The following RIMS2 variants were observed in gnomAD, a reference collection of about 807,000 sequenced individuals.
RIMS2 encodes regulating synaptic membrane exocytosis protein 2.
Under a neutral mutation model 174.4 loss-of-function variants are expected in RIMS2, and 59 were observed. The ratio of observed to expected loss-of-function variants is 0.34; its 90% CI spans 0.27 to 0.42. RIMS2 has a LOEUF of 0.42. RIMS2 is among the 10% of genes least tolerant of loss of function. The pLI is 1.00. For synonymous variants in RIMS2, 606 were observed against 572.5 expected (o/e 1.06, Z -0.84); for missense variants, 1,620 against 1,666.3 (o/e 0.97, Z 0.48).
chr8:104,235,425 A>T (rs2099253132), intron 19 of RIMS2, among the ~76,000 whole-genome samples: 1 of 152,158 alleles, frequency 6.6e-6, no homozygotes, highest in African/African-American at 2.4e-5. Flanking sequence ...CAATCTTCTT[A>T]CGAAAACTAG....
chr8:103,875,614 A>G lies in RIMS2; in HGVS notation c.699-9684A>G, dbSNP rs181048011. ...AATATAATGACTTATTTTCCTTTGG[A>G]TAGATACTCTCAGTAGTGGGTTTGG... On this transcript the variant is annotated intron_variant, in intron 3 of 23. Transcript: ENST00000504942. 1.7e-3 allele frequency among the ~76,000 whole-genome samples: 259 copies of G among 152,024 alleles called. 1 individual carries two copies. The highest frequency in any genetic ancestry group is 6.0e-3 in the African/African-American group (251 of 41,504).
In RIMS2 at chr8:103,894,273, G is replaced by A. The variant is rs371523501; in HGVS notation, c.1624+8050G>A. ...TGGTGTCAAAAGTTAAAACAAAATA[G>A]CAAGATCTCTGTCCCTGCAGAATTT... is the stretch of plus-strand genomic sequence containing the variant. On this transcript the variant is annotated intron_variant, in intron 4 of 23. Transcript: ENST00000504942. Among the ~76,000 whole-genome samples the A allele has an allele frequency of 1.6e-4, 24 of 150,764 alleles. 1 individual carries two copies. The highest frequency in any genetic ancestry group is 5.3e-4 in the Admixed American group (8 of 15,230).
At chr8:104,239,933 T>C (rs2099277946) in intron 19 of RIMS2, among the ~76,000 whole-genome samples, 1 of 152,182 alleles carries the variant, frequency 6.6e-6, no homozygotes, top group Non-Finnish European at 1.5e-5. Context: ...CTTTCGGTAG[T>C]GGACAGAATC....
chr8:103,885,747 T>C (rs2099196872), exon 4 of RIMS2: 1 of 1,613,008 alleles, frequency 6.2e-7, no homozygotes, highest in Admixed American at 1.7e-5. Context: ...GATTCCAGGA[T>C]TTCTATGCTA....
At chr8:103,968,692 G>A (rs1351514113) in intron 15 of RIMS2, among the ~76,000 whole-genome samples, 1 of 151,686 alleles carries the variant, frequency 6.6e-6, no homozygotes, top group African/African-American at 2.4e-5. Context: ...ATACATAATT[G>A]AATACATTGT....
rs77702921 is a variant in RIMS2 at position 103,777,879 on chromosome 8, G to T, written c.698+11342G>T. Among the ~76,000 whole-genome samples, 1,192 of 151,932 alleles carry T rather than the reference G, an allele frequency of 7.8e-3. 18 individuals carry two copies. Among genetic ancestry groups the T allele is most frequent in the South Asian group, 0.05 (240 of 4,814 alleles). ...TGTTTCATGCTGGGTATGAAATTGG[G>T]TATAAACTGGGTACAAAATTGGGTA... On this transcript the variant is annotated intron_variant, in intron 3 of 23. Transcript: ENST00000504942.
chr8:103,782,686 T>C (rs544256808), intron 3 of RIMS2, among the ~76,000 whole-genome samples: 1 of 152,162 alleles, frequency 6.6e-6, no homozygotes, highest in Admixed American at 6.5e-5. Flanking sequence ...ACCAGTGCAA[T>C]AGGTGAAAAA....
intron 3 of RIMS2, among the ~76,000 whole-genome samples, chr8:103,848,433 G>A (rs2098979367): frequency 6.6e-6 from 1 of 151,940 alleles, no homozygotes; most frequent in African/African-American, 2.4e-5. Flanking sequence ...CATCTTCCTT[G>A]TCCCATCTGG....
At chr8:104,244,268 TC>T (rs922969976) in intron 19 of RIMS2, among the ~76,000 whole-genome samples, 5 of 152,212 alleles carry the variant, frequency 3.3e-5, no homozygotes, top group African/African-American at 1.2e-4. Flanking sequence ...AAATCTCTTT[TC>T]ACATTATTTT....
At chr8:104,038,984 C>A (rs1301939090) in intron 19 of RIMS2, among the ~76,000 whole-genome samples, 2 of 151,500 alleles carry the variant, frequency 1.3e-5, no homozygotes, top group Non-Finnish European at 3.0e-5. Context: ...GTAGTGAAAT[C>A]ATTTTCAAAA....
intron 15 of RIMS2, among the ~76,000 whole-genome samples, chr8:103,968,808 C>T (rs1287363212): frequency 6.6e-6 from 1 of 151,860 alleles, no homozygotes; most frequent in African/African-American, 2.4e-5. Flanking sequence ...AATGCTCTTT[C>T]TTTCTATATG....
intron 17 of RIMS2, among the ~76,000 whole-genome samples, chr8:104,011,463 C>A (rs2095759887): frequency 6.6e-6 from 1 of 152,008 alleles, no homozygotes; most frequent in Non-Finnish European, 1.5e-5. Flanking sequence ...TTTGTAAGAG[C>A]TACTTCCTAA....
intron 3 of RIMS2, among the ~76,000 whole-genome samples, chr8:103,858,244 A>G (rs2099038739): frequency 6.6e-6 from 1 of 152,196 alleles, no homozygotes; most frequent in South Asian, 2.1e-4. Context: ...GCATCTCCTT[A>G]GAATACGTTT....
chr8:103,700,911 C>G (rs1423757891), intron 2 of RIMS2, among the ~76,000 whole-genome samples: 2 of 151,982 alleles, frequency 1.3e-5, no homozygotes, highest in Non-Finnish European at 2.9e-5. Flanking sequence ...ATGTTGGATT[C>G]TATGTTACTG....
chr8:103,608,644 C>T (rs1159140341), intron 1 of RIMS2, among the ~76,000 whole-genome samples: 7 of 151,208 alleles, frequency 4.6e-5, no homozygotes, highest in African/African-American at 1.7e-4. Flanking sequence ...ATCAGCGAGA[C>T]TCCGTGGGCG....
chr8:104,240,006 C>T (rs1024346287), intron 19 of RIMS2, among the ~76,000 whole-genome samples: 1 of 152,174 alleles, frequency 6.6e-6, no homozygotes, highest in Non-Finnish European at 1.5e-5. Context: ...GCATCACTCC[C>T]AGCAGCTAGA....
chr8:103,984,444 T>TATC (rs1339571015), intron 16 of RIMS2, among the ~76,000 whole-genome samples: 10 of 152,196 alleles, frequency 6.6e-5, no homozygotes, highest in Non-Finnish European at 4.4e-5. Flanking sequence ...CAACCGGGCA[T>TATC]ATCAGAAGAT....
chr8:103,841,322 TA>T lies in RIMS2; in HGVS notation c.699-43975del, dbSNP rs1264208830. Among the ~76,000 whole-genome samples, 3 of 152,232 alleles carry T rather than the reference TA, an allele frequency of 2.0e-5. No homozygotes were observed. In the South Asian group the frequency reaches 6.2e-4, roughly 31 times the overall value. On this transcript the variant is annotated intron_variant, in intron 3 of 23. Coordinates refer to ENST00000504942, the Ensembl canonical transcript of RIMS2. ...CTGAAATTGCTGCTTTTTTTCTTAC[TA>T]GCTCAGAAGAATGTTTCCCTACTTT...
At chr8:104,120,075 C>A (rs994062812) in intron 19 of RIMS2, among the ~76,000 whole-genome samples, 5 of 152,124 alleles carry the variant, frequency 3.3e-5, no homozygotes, top group Non-Finnish European at 7.4e-5. Flanking sequence ...TGACTCTTAG[C>A]CCTCTGTGAA....
Sources: gnomAD v4.1 joint callset for allele counts (sites outside exome capture counted in the v4.1 genomes callset) on GRCh38, gnomAD v4.1.1 for gene constraint, MANE v1.5 for transcripts, NCBI Gene and HGNC (gene_info 2026-07-23, HGNC 2026-07-21) for gene names.